Variants in PNPLA7 observed in about 807,000 individuals in gnomAD.
PNPLA7 encodes patatin-like phospholipase domain-containing protein 7.
In PNPLA7, 153 loss-of-function variants were observed where a neutral mutation model predicts 161.7. The observed-to-expected ratio is 0.95, with a 90% CI of 0.83 to 1.08. PNPLA7 has a LOEUF of 1.08. PNPLA7 is among the 50% of genes least tolerant of loss of function. The pLI is 0.00. For missense variants in PNPLA7, 1,739 were observed against 1,856.6 expected, an observed-to-expected ratio of 0.94 and a Z score of 1.16; for synonymous variants, 809 against 782.1, an observed-to-expected ratio of 1.03 and a Z score of -0.57.
At position 137,464,178 on chromosome 9, in the gene PNPLA7, A is replaced by G; in HGVS notation, c.3174T>C (p.Tyr1058=). The part of the protein sequence containing the change: ...DQQIEDLWIP[Y]FAITTDITAS... ...CTGTGATGTCGGTGGTGATGGCGAA[A>G]TAAGGAATCCACAGGTCCTGCGGGC... is the stretch of plus-strand genomic sequence containing the variant. Residue 1058 remains tyrosine (Y), a synonymous_variant, in exon 28 of 35, where the codon TAT becomes TAC. Coordinates refer to ENST00000406427, the MANE Select transcript of PNPLA7 (RefSeq NM_001098537.3). 6.2e-7 allele frequency: 1 copy of G among 1,613,876 alleles called. No individual in the cohort carries two copies. Among genetic ancestry groups the G allele is most frequent in the Non-Finnish European group, 8.5e-7 (1 of 1,179,992 alleles).
intron 18 of PNPLA7, among the ~76,000 whole-genome samples, chr9:137,495,512 C>T (rs371627924): frequency 1.7e-3 from 257 of 152,024 alleles, no homozygotes; most frequent in African/African-American, 5.8e-3. Context: ...GGTGCGATCT[C>T]GGCTCACTGC....
rs935451500 is a variant in PNPLA7 at position 137,550,265 on chromosome 9, T to C, written c.-68A>G. On this transcript the variant is annotated 5_prime_UTR_variant, in exon 1 of 35. The change abolishes the stop of an existing upstream ORF in the 5' untranslated region. Coordinates refer to ENST00000406427, the MANE Select transcript of PNPLA7 (RefSeq NM_001098537.3). ...CCTGAAGCAAACAAGGGCACACCTCTACCCGCTCATGCTCACACCTGGACA... is the reference window on the plus strand; with the variant it reads ...CCTGAAGCAAACAAGGGCACACCTCCACCCGCTCATGCTCACACCTGGACA... The C allele has an allele frequency of 6.5e-6, 10 of 1,547,906 alleles. No individual in the cohort carries two copies. The African/African-American group carries it at 1.1e-4, about 17-fold the overall frequency.
intron 11 of PNPLA7, among the ~76,000 whole-genome samples, chr9:137,517,934 T>C (rs1374247087): frequency 4.1e-5 from 3 of 73,742 alleles, no homozygotes; most frequent in African/African-American, 6.6e-5. Context: ...CTCCACTCTG[T>C]CCACTCCATC....
At chr9:137,497,365 C>A in intron 17 of PNPLA7, 55 bp from the exon 18 acceptor site, 1 of 1,413,846 alleles carries the variant, frequency 7.1e-7, no homozygotes, top group Non-Finnish European at 9.3e-7. Flanking sequence ...AGCCTCCACA[C>A]CCAGCTTCCC....
intron 8 of PNPLA7, among the ~76,000 whole-genome samples, chr9:137,535,270 C>G (rs1289374078): frequency 6.6e-6 from 1 of 152,128 alleles, no homozygotes; most frequent in African/African-American, 2.4e-5. Context: ...GAACTTCATT[C>G]ACACATAAAG....
chr9:137,516,520 A>C (rs1408758256), intron 11 of PNPLA7: 10 of 985,182 alleles, frequency 1.0e-5, no homozygotes, highest in Non-Finnish European at 1.2e-5. Flanking sequence ...TCTAAAATAC[A>C]CTTTGAGGCC....
chr9:137,542,868 C>T (rs560699701), intron 6 of PNPLA7, 67 bp from the exon 7 acceptor site: 24 of 1,532,242 alleles, frequency 1.6e-5, no homozygotes, highest in Middle Eastern at 2.2e-4. Context: ...CCAAGAGTCT[C>T]GAGAGCACAC....
chr9:137,520,619 G>A lies in PNPLA7; in HGVS notation c.958-576C>T, dbSNP rs182963888. Among the ~76,000 whole-genome samples the A allele has an allele frequency of 2.6e-5, 4 of 152,154 alleles. No homozygotes were observed. The highest frequency in any genetic ancestry group is 2.1e-4 in the South Asian group (1 of 4,828). On this transcript the variant is annotated intron_variant, in intron 10 of 34. Transcript: ENST00000406427. The surrounding 1 kb of genome is among the most constrained non-coding windows in gnomAD (Gnocchi z 5.2). ...GCCCCATGACTAAAGAGAGCCCTCC[G>A]CATATCAGGCTACTGTTTTGGGCAG...
chr9:137,547,045 G>A lies in PNPLA7; in HGVS notation c.194-136C>T. The stretch of plus-strand genomic sequence containing the variant: ...ATACTCAGACAGCATGAGGGAAGAG[G>A]GCCTGAGTGACAGGCTCATCTCCAA... On this transcript the variant is annotated intron_variant, in intron 3 of 34. Transcript: ENST00000406427. This position sits in a 1 kb window ranked among gnomAD's most constrained non-coding sequence, Gnocchi z 4.6. 1 of 834,906 alleles carries A rather than the reference G, an allele frequency of 1.2e-6. No individual in the cohort carries two copies. 51.7% of individuals were successfully genotyped at this position (834,906 alleles called of 1,614,324 possible). A position where few individuals can be genotyped will look rare whatever the true frequency, so the allele number is the denominator to read the frequency against.
intron 20 of PNPLA7, among the ~76,000 whole-genome samples, chr9:137,485,548 C>A (rs1832436380): frequency 6.6e-6 from 1 of 152,362 alleles, no homozygotes. Context: ...CTGAACCAAT[C>A]GTCGCAGGGC....
chr9:137,542,098 C>A (rs1044297633), intron 7 of PNPLA7, among the ~76,000 whole-genome samples: 5 of 152,270 alleles, frequency 3.3e-5, no homozygotes, highest in African/African-American at 1.2e-4. Context: ...AGCAAGGGTT[C>A]AATGGACCAT....
chr9:137,478,105 TGA>T lies in PNPLA7; in HGVS notation c.2809_2810del (p.Ser937ArgfsTer60). Reference sequence around the variant, plus strand: ...GCACCCTCGCCAGGCGGGAGAAGTCTGAGTGTCGGTCCGGGGGCCGCTGGAAG... The same window carrying T: ...GCACCCTCGCCAGGCGGGAGAAGTCTGTGTCGGTCCGGGGGCCGCTGGAAG... ...HVFQRPPDRHSDFSRLARVLT... is the reference protein window; with the variant it reads ...HVFQRPPDRHXDFSRLARVLT... On this transcript the variant is annotated frameshift_variant, in exon 25 of 35. Coordinates refer to ENST00000406427, the MANE Select transcript of PNPLA7 (RefSeq NM_001098537.3). LOFTEE classifies it high-confidence loss of function. The T allele has an allele frequency of 7.3e-7, 1 of 1,363,852 alleles. No individual in the cohort carries two copies. The highest frequency in any genetic ancestry group is 1.9e-5 in the South Asian group (1 of 53,792). The allele number at this position is 1,363,852 out of a possible 1,614,324, so 84.5% of individuals were successfully genotyped here. A position where few individuals can be genotyped will look rare whatever the true frequency, so the allele number is the denominator to read the frequency against.
rs866094840 is a variant in PNPLA7, at chr9:137,476,665, G to A, written c.2882+1369C>T. 6.6e-5 allele frequency among the ~76,000 whole-genome samples: 10 copies of A among 152,264 alleles called. No individual in the cohort carries two copies. Among genetic ancestry groups the A allele is most frequent in the Middle Eastern group, 3.4e-3 (1 of 294 alleles). On this transcript the variant is annotated intron_variant, in intron 25 of 34. Transcript: ENST00000406427. This position sits in a 1 kb window ranked among gnomAD's most constrained non-coding sequence, Gnocchi z 4.5. ...CTGCAGTTACGTGCCTTACAGAACC[G>A]TATGGCTTCTAAGTATTACCTTGAT...
At chr9:137,488,139 C>T (rs1031086870) in intron 20 of PNPLA7, among the ~76,000 whole-genome samples, 1 of 152,250 alleles carries the variant, frequency 6.6e-6, no homozygotes, top group Non-Finnish European at 1.5e-5. Flanking sequence ...ACGCTGCTCT[C>T]GTGGTCTGAT....
rs1831942119 is a variant in PNPLA7, at chr9:137,476,304, G to T, written c.2882+1730C>A. The stretch of plus-strand genomic sequence containing the variant: ...CTCCAAGGAAGGAACTTCAATCATA[G>T]GATAGGATAGGATGTGACTTAGTTC... On this transcript the variant is annotated intron_variant, in intron 25 of 34. Transcript: ENST00000406427. This position sits in a 1 kb window ranked among gnomAD's most constrained non-coding sequence, Gnocchi z 4.5. 6.6e-6 allele frequency among the ~76,000 whole-genome samples: 1 copy of T among 152,112 alleles called. No homozygotes were observed. The highest frequency in any genetic ancestry group is 1.5e-5 in the Non-Finnish European group (1 of 68,018).
intron 12 of PNPLA7, among the ~76,000 whole-genome samples, chr9:137,511,084 T>A (rs181482444): frequency 6.6e-6 from 1 of 152,230 alleles, no homozygotes; most frequent in Non-Finnish European, 1.5e-5. Flanking sequence ...CACGCCCAGA[T>A]AAGGGCCGCT....
chr9:137,489,780 G>C (rs567506237), intron 20 of PNPLA7, among the ~76,000 whole-genome samples: 1 of 152,090 alleles, frequency 6.6e-6, no homozygotes, highest in African/African-American at 2.4e-5. Context: ...CCTGAAGATA[G>C]ATCAAAAGAA....
In PNPLA7 at chr9:137,500,550, C is replaced by T; in HGVS notation, c.1757+141G>A. The T allele has an allele frequency of 1.3e-6, 1 of 798,862 alleles. No individual in the cohort carries two copies. Among genetic ancestry groups the T allele is most frequent in the Non-Finnish European group, 2.0e-6 (1 of 509,784 alleles). The allele number at this position is 798,862 out of a possible 1,614,324, so 49.5% of individuals were successfully genotyped here. A position where few individuals can be genotyped will look rare whatever the true frequency, so the allele number is the denominator to read the frequency against. ...AGCAGGGGGCACAGACCTGGGCCCA[C>T]ACAGGTGCCGGGGACAAAGAGGGGA... On this transcript the variant is annotated intron_variant, in intron 16 of 34. Transcript: ENST00000406427. The surrounding 1 kb of genome is among the most constrained non-coding windows in gnomAD (Gnocchi z 5.5).
At position 137,537,264 on chromosome 9, in the gene PNPLA7, C is replaced by T. The variant is rs562163313; in HGVS notation, c.747+3378G>A. Among the ~76,000 whole-genome samples the T allele has an allele frequency of 3.0e-4, 46 of 152,238 alleles. No individual in the cohort carries two copies. Among genetic ancestry groups the T allele is most frequent in the African/African-American group, 1.0e-3 (43 of 41,536 alleles). ...AGTTTGATGAGGAAAAACGATGTCA[C>T]GGCAGATGATCAACTGATCACAATA... On this transcript the variant is annotated intron_variant, in intron 8 of 34. Coordinates refer to ENST00000406427, the MANE Select transcript of PNPLA7 (RefSeq NM_001098537.3). This position sits in a 1 kb window ranked among gnomAD's most constrained non-coding sequence, Gnocchi z 4.5.
Sources: allele counts gnomAD v4.1 joint callset (sites outside exome capture counted in the v4.1 genomes callset), GRCh38; gene constraint gnomAD v4.1.1; non-coding constraint Gnocchi (gnomAD v3.1); transcripts MANE v1.5; gene names NCBI Gene and HGNC (gene_info 2026-07-23, HGNC 2026-07-21).